Variants in TRIM33 observed in about 807,000 individuals in gnomAD.
TRIM33 encodes E3 ubiquitin-protein ligase TRIM33.
Under a neutral mutation model 125.4 loss-of-function variants are expected in TRIM33, and 20 were observed. The observed-to-expected ratio is 0.16, with a 90% CI of 0.11 to 0.23. The LOEUF (loss-of-function observed/expected upper bound fraction) is 0.23. Ranked by LOEUF, TRIM33 falls within the 10% of genes least tolerant of loss-of-function variation. The pLI is 1.00. For missense variants in TRIM33, 920 were observed against 1,411.4 expected (o/e 0.65, Z 5.58); for synonymous variants, 564 against 513.9 (o/e 1.10, Z -1.32).
Position 114,511,013 on chromosome 1 carries a change from C to A in TRIM33, c.64G>T (p.Val22Leu). 1 of 1,325,782 alleles carries A rather than the reference C, an allele frequency of 7.5e-7. No individual in the cohort carries two copies. Among genetic ancestry groups the A allele is most frequent in the Non-Finnish European group, 9.6e-7 (1 of 1,039,164 alleles). The allele number at this position is 1,325,782 out of a possible 1,614,324, so 82.1% of individuals were successfully genotyped here. The part of the protein sequence containing the change: ...SGGGGSGSAP[V>L]TAGAAGPAAQ... ...GCGGGCCCGGCGGCCCCGGCAGTTA[C>A]CGGCGCGCTGCCGCTGCCCCCGCCG... Residue 22 changes from valine (V) to leucine (L), a missense_variant, in exon 1 of 20, where the codon GTA becomes TTA. Physicochemically the swap from Val to Leu is conservative, Grantham distance 32 (BLOSUM62 1). Coordinates refer to ENST00000358465, the MANE Select transcript of TRIM33 (RefSeq NM_015906.4).
chr1:114,406,728 A>G lies in TRIM33; in HGVS notation c.2418+213T>C, dbSNP rs187220151. On this transcript the variant is annotated intron_variant, in intron 14 of 19. Transcript: ENST00000358465. Reference sequence around the variant, plus strand: ...ACAAATTCAAAGATAATTTCAAATGAGTACTTAATACAATTAAGTCTTTTC... The same window carrying G: ...ACAAATTCAAAGATAATTTCAAATGGGTACTTAATACAATTAAGTCTTTTC... Among the ~76,000 whole-genome samples, 94 of 152,364 alleles carry G rather than the reference A, an allele frequency of 6.2e-4. No individual in the cohort carries two copies. The South Asian group carries it at 6.4e-3, about 10-fold the overall frequency.
At chr1:114,449,637 G>A (rs1033398223) in intron 4 of TRIM33, among the ~76,000 whole-genome samples, 10 of 152,022 alleles carry the variant, frequency 6.6e-5, no homozygotes, top group African/African-American at 1.9e-4. Context: ...CACCTCAAAC[G>A]AGGATTGAAG....
At chr1:114,465,738 T>C (rs956600652) in intron 1 of TRIM33, among the ~76,000 whole-genome samples, 2 of 151,884 alleles carry the variant, frequency 1.3e-5, no homozygotes, top group African/African-American at 4.8e-5. Flanking sequence ...ACCAAAAACA[T>C]GGTATAAAAA....
At chr1:114,489,387 T>C (rs1392311184) in intron 1 of TRIM33, among the ~76,000 whole-genome samples, 2 of 152,198 alleles carry the variant, frequency 1.3e-5, no homozygotes, top group East Asian at 1.9e-4. Flanking sequence ...GATTACGAAA[T>C]GATTTTTCAG....
At chr1:114,419,767 CA>C (rs1342517380) in intron 11 of TRIM33, among the ~76,000 whole-genome samples, 11 of 152,128 alleles carry the variant, frequency 7.2e-5, no homozygotes, top group Admixed American at 7.2e-4. Context: ...CTTACAGGAG[CA>C]GGGGGATGGG....
chr1:114,461,316 T>C (rs1453651304), intron 4 of TRIM33, among the ~76,000 whole-genome samples: 2 of 145,692 alleles, frequency 1.4e-5, no homozygotes, highest in East Asian at 3.9e-4. Context: ...TTATATTTTA[T>C]ATATATATAT....
intron 4 of TRIM33, among the ~76,000 whole-genome samples, chr1:114,446,826 G>A (rs189040431): frequency 3.3e-5 from 5 of 152,240 alleles, no homozygotes; most frequent in Admixed American, 2.6e-4. Flanking sequence ...AGGCAGAGGC[G>A]AGAGGATCAC....
rs59576781 is a variant in TRIM33, at chr1:114,455,223, C to T, written c.923+7881G>A. On this transcript the variant is annotated intron_variant, in intron 4 of 19. Transcript: ENST00000358465. ...TAAAAGCCACTGTAAAGTGTGTTTACCTTGAAAAGGGCAACTATCCTCCTC... is the reference window on the plus strand; with the variant it reads ...TAAAAGCCACTGTAAAGTGTGTTTATCTTGAAAAGGGCAACTATCCTCCTC... Among the ~76,000 whole-genome samples, 1,349 of 152,216 alleles carry T rather than the reference C, an allele frequency of 8.9e-3. 20 individuals are homozygous for T. Among genetic ancestry groups the T allele is most frequent in the African/African-American group, 0.031 (1,275 of 41,534 alleles).
chr1:114,492,064 G>T (rs185254864), intron 1 of TRIM33, among the ~76,000 whole-genome samples: 20 of 152,284 alleles, frequency 1.3e-4, no homozygotes, highest in African/African-American at 4.6e-4. Context: ...AGTGCTGAAA[G>T]AAGGCAAAGC....
At chr1:114,456,775 C>T (rs1241823205) in intron 4 of TRIM33, among the ~76,000 whole-genome samples, 1 of 152,012 alleles carries the variant, frequency 6.6e-6, no homozygotes, top group Non-Finnish European at 1.5e-5. Context: ...CTGATGATGT[C>T]ATGATACTAT....
At chr1:114,477,638 G>C (rs1651056217) in intron 1 of TRIM33, among the ~76,000 whole-genome samples, 1 of 152,166 alleles carries the variant, frequency 6.6e-6, no homozygotes, top group Non-Finnish European at 1.5e-5. Flanking sequence ...ATTATTACAA[G>C]TTACTATTCA....
intron 1 of TRIM33, among the ~76,000 whole-genome samples, chr1:114,473,831 A>C (rs1043321119): frequency 1.3e-5 from 2 of 152,200 alleles, no homozygotes; most frequent in Non-Finnish European, 2.9e-5. Context: ...TAATGATAGT[A>C]AATGAGAATG....
At chr1:114,411,838 T>C (rs1298093045) in intron 11 of TRIM33, among the ~76,000 whole-genome samples, 2 of 152,160 alleles carry the variant, frequency 1.3e-5, no homozygotes, top group Non-Finnish European at 1.5e-5. Context: ...TAAATAAAGT[T>C]AGAAGTCTAA....
chr1:114,400,449 C>CTCCCAAA (rs1318274728), intron 17 of TRIM33, among the ~76,000 whole-genome samples: 4 of 152,198 alleles, frequency 2.6e-5, no homozygotes, highest in Non-Finnish European at 4.4e-5. Context: ...AGTGATCTGC[C>CTCCCAAA]TGCCAGGCCT....
At chr1:114,413,564 AAAAAAAAAAG>A (rs1652721687) in intron 11 of TRIM33, among the ~76,000 whole-genome samples, 1 of 143,892 alleles carries the variant, frequency 6.9e-6, no homozygotes, top group Non-Finnish European at 1.5e-5. Flanking sequence ...ATCTCAAAAA[AAAAAAAAAAG>A]AAAAGAAAAG....
chr1:114,450,559 T>G (rs939574562), intron 4 of TRIM33, among the ~76,000 whole-genome samples: 4 of 152,064 alleles, frequency 2.6e-5, no homozygotes, highest in Admixed American at 6.6e-5. Flanking sequence ...TTACTAGAAT[T>G]TTTTTGTATT....
Position 114,397,641 on chromosome 1 carries a change from T to C in TRIM33, c.*7A>G. 1 of 911,778 alleles carries C rather than the reference T, an allele frequency of 1.1e-6. No homozygotes were observed. The highest frequency in any genetic ancestry group is 1.3e-5 in the South Asian group (1 of 74,796). 56.5% of individuals were successfully genotyped at this position (911,778 alleles called of 1,614,324 possible). The stretch of plus-strand genomic sequence containing the variant: ...TTTTTAAACAATTGATTTAAATCCA[T>C]GTCATTTTACTTTATATGTACTGGT... On this transcript the variant is annotated 3_prime_UTR_variant, in exon 20 of 20. Coordinates refer to ENST00000358465, the MANE Select transcript of TRIM33 (RefSeq NM_015906.4).
intron 1 of TRIM33, among the ~76,000 whole-genome samples, chr1:114,477,532 C>T (rs767527021): frequency 2.0e-5 from 3 of 152,126 alleles, no homozygotes; most frequent in Admixed American, 6.5e-5. Flanking sequence ...CTTTGCAAAA[C>T]AGGGATAACA....
At chr1:114,461,211 TA>T (rs569418875) in intron 4 of TRIM33, among the ~76,000 whole-genome samples, 6 of 96,152 alleles carry the variant, frequency 6.2e-5, no homozygotes, top group African/African-American at 2.4e-4. Flanking sequence ...AACCTGTCTT[TA>T]AAAATATATA....
Sources: gnomAD v4.1 joint callset for allele counts (sites outside exome capture counted in the v4.1 genomes callset) on GRCh38, gnomAD v4.1.1 for gene constraint, MANE v1.5 for transcripts, NCBI Gene and HGNC (gene_info 2026-07-23, HGNC 2026-07-21) for gene names.